The following WBP2NL variants were observed in gnomAD, a reference collection of about 807,000 sequenced individuals.
WBP2NL encodes the protein WBP2 N-terminal like.
WBP2NL carries 27 observed loss-of-function variants against 23.3 expected under a neutral mutation model. That is an observed-to-expected ratio of 1.16 (90% CI 0.85 to 1.60). WBP2NL has a LOEUF of 1.60. Ranked by LOEUF, WBP2NL falls within the 40% of genes most tolerant of loss-of-function variation. WBP2NL has a pLI of 0.00. For synonymous variants in WBP2NL, 151 were observed against 145.9 expected, an observed-to-expected ratio of 1.03 and a Z score of -0.25; for missense variants, 370 against 389.5, an observed-to-expected ratio of 0.95 and a Z score of 0.42.
intron 1 of WBP2NL, among the ~76,000 whole-genome samples, chr22:42,003,689 C>T (rs947601701): frequency 5.9e-5 from 9 of 151,920 alleles, no homozygotes; most frequent in Admixed American, 2.6e-4. Flanking sequence ...ATATGGGTTG[C>T]GAAAAAACTA....
intron 8 of WBP2NL, among the ~76,000 whole-genome samples, chr22:42,047,286 AAAAAG>A (rs1456792154): frequency 1.3e-5 from 2 of 151,408 alleles, no homozygotes; most frequent in Non-Finnish European, 2.9e-5. Context: ...AAAAAAAAAA[AAAAAG>A]AAAATCGGAG....
Position 42,006,019 on chromosome 22 carries a change from A to G in WBP2NL, c.62+7139A>G, listed in dbSNP as rs186119779. Among the ~76,000 whole-genome samples the G allele has an allele frequency of 2.3e-3, 345 of 152,324 alleles. 2 individuals are homozygous for G. The highest frequency in any genetic ancestry group is 8.1e-3 in the African/African-American group (336 of 41,584). On this transcript the variant is annotated intron_variant, in intron 1 of 5. Transcript: ENST00000328823. The stretch of plus-strand genomic sequence containing the variant: ...TTCTGGAAGGTCAAAGAATGGTAAC[A>G]TCTGCTTTGTTTTAAGAAAATTAGG...
chr22:42,004,816 C>G (rs768778707), intron 1 of WBP2NL, among the ~76,000 whole-genome samples: 1 of 151,874 alleles, frequency 6.6e-6, no homozygotes, highest in South Asian at 2.1e-4. Context: ...CCCAACTACT[C>G]GGGAGGCCGA....
At chr22:42,026,156 C>T (rs1924456540) in intron 5 of WBP2NL, among the ~76,000 whole-genome samples, 1 of 151,718 alleles carries the variant, frequency 6.6e-6, no homozygotes, top group South Asian at 2.1e-4. Context: ...CTTGTAGTCC[C>T]AGCTACTCGG....
rs201981517 is a variant in WBP2NL at position 42,027,141 on chromosome 22, C to G, written c.890C>G (p.Ala297Gly). 1 of 1,613,804 alleles carries G rather than the reference C, an allele frequency of 6.2e-7. No individual in the cohort carries two copies. The highest frequency in any genetic ancestry group is 1.7e-5 in the Admixed American group (1 of 59,928). Reference protein sequence around the residue: ...STAAQAPENEASLPSASSSQV... With the variant: ...STAAQAPENEGSLPSASSSQV... ...GCAGCCCAGGCTCCTGAAAACGAGG[C>G]TTCTCTTCCCTCTGCCTCCTCTTCT... The change falls in exon 6 of 6, where the codon GCT becomes GGT. Residue 297 changes from alanine (A) to glycine (G), a missense_variant. Coordinates refer to ENST00000328823, the MANE Select transcript of WBP2NL (RefSeq NM_152613.3).
intron 8 of WBP2NL, among the ~76,000 whole-genome samples, chr22:42,051,488 T>C (rs1416763123): frequency 1.3e-5 from 2 of 152,208 alleles, no homozygotes; most frequent in Non-Finnish European, 2.9e-5. Flanking sequence ...TGAACCCTAA[T>C]GTAAACCCTA....
At chr22:41,999,643 C>T (rs890898994) in intron 1 of WBP2NL, among the ~76,000 whole-genome samples, 3 of 152,038 alleles carry the variant, frequency 2.0e-5, no homozygotes, top group African/African-American at 7.3e-5. Flanking sequence ...TGGTGTGCAC[C>T]CATAATCCCA....
intron 1 of WBP2NL, among the ~76,000 whole-genome samples, chr22:42,012,175 A>G (rs1922883784): frequency 6.6e-6 from 1 of 151,964 alleles, no homozygotes; most frequent in African/African-American, 2.4e-5. Context: ...GTTGAACTTA[A>G]ATTTTTTTTC....
intron 8 of WBP2NL, among the ~76,000 whole-genome samples, chr22:42,054,086 G>A (rs1018087742): frequency 3.9e-5 from 6 of 151,940 alleles, no homozygotes; most frequent in African/African-American, 1.2e-4. Flanking sequence ...GCGACTGTGC[G>A]GGGCCTCTTT....
chr22:42,029,408 A>G (rs1025450843), downstream of WBP2NL, among the ~76,000 whole-genome samples: 2 of 148,846 alleles, frequency 1.3e-5, no homozygotes, highest in South Asian at 4.2e-4. Flanking sequence ...GTCTTGCTTT[A>G]TCACCCAGGC....
chr22:42,056,231 G>A (rs1291665753), intron 8 of WBP2NL, among the ~76,000 whole-genome samples: 6 of 151,794 alleles, frequency 4.0e-5, no homozygotes, highest in Admixed American at 3.9e-4. Context: ...ATCTTATTCT[G>A]AACTATCTCA....
At chr22:42,018,271 C>T (rs1329980937) in intron 1 of WBP2NL, among the ~76,000 whole-genome samples, 1 of 146,076 alleles carries the variant, frequency 6.8e-6, no homozygotes, top group Non-Finnish European at 1.5e-5. Flanking sequence ...AGAGATTATG[C>T]CACTGCACTC....
chr22:42,021,775 T>G (rs1292252343), intron 4 of WBP2NL, among the ~76,000 whole-genome samples: 1 of 148,514 alleles, frequency 6.7e-6, no homozygotes, highest in Non-Finnish European at 1.5e-5. Context: ...GGGTCATATT[T>G]CTTTTCTTTC....
downstream of WBP2NL, among the ~76,000 whole-genome samples, chr22:42,036,470 G>A (rs1200804487): frequency 6.6e-6 from 1 of 152,130 alleles, no homozygotes; most frequent in Non-Finnish European, 1.5e-5. Flanking sequence ...CACCGTGCCC[G>A]GCCATGTGTT....
downstream of WBP2NL, among the ~76,000 whole-genome samples, chr22:42,029,691 A>G (rs1348964582): frequency 6.6e-6 from 1 of 152,174 alleles, no homozygotes; most frequent in Non-Finnish European, 1.5e-5. Flanking sequence ...TATTTCTTAT[A>G]TGTAGTTGAA....
At chr22:42,019,579 G>A (rs1923690045) in intron 2 of WBP2NL, 83 bp from the exon 3 acceptor site, 1 of 1,580,094 alleles carries the variant, frequency 6.3e-7, no homozygotes, top group Admixed American at 1.7e-5. Flanking sequence ...TTCTCAGTTA[G>A]ACCAGAATGC....
chr22:42,053,533 C>T (rs945839723), intron 8 of WBP2NL, among the ~76,000 whole-genome samples: 8 of 151,654 alleles, frequency 5.3e-5, no homozygotes, highest in African/African-American at 1.9e-4. Context: ...GATCTCAGCT[C>T]ACCACAACCT....
At chr22:42,034,885 T>C (rs1011980977), downstream of WBP2NL, among the ~76,000 whole-genome samples, 1 of 152,244 alleles carries the variant, frequency 6.6e-6, no homozygotes, top group Non-Finnish European at 1.5e-5. Context: ...ATCTCTCTTA[T>C]TCCCTGAACA....
chr22:42,009,667 T>C (rs149313902), intron 1 of WBP2NL, among the ~76,000 whole-genome samples: 1 of 152,364 alleles, frequency 6.6e-6, no homozygotes, highest in East Asian at 1.9e-4. Flanking sequence ...TCTAGTCCAT[T>C]GGTTTGTTTA....
Sources: allele counts gnomAD v4.1 joint callset (sites outside exome capture counted in the v4.1 genomes callset), GRCh38; gene constraint gnomAD v4.1.1; transcripts MANE v1.5; gene names NCBI Gene and HGNC (gene_info 2026-07-23, HGNC 2026-07-21).